The following ERMAP variants were observed in gnomAD, a reference collection of about 807,000 sequenced individuals.
ERMAP encodes the protein erythroblast membrane associated protein (Scianna blood group), also known as erythroid membrane-associated protein.
Under a neutral mutation model 49.5 loss-of-function variants are expected in ERMAP, and 34 were observed. The observed-to-expected ratio is 0.69, with a 90% CI of 0.52 to 0.91. The LOEUF (loss-of-function observed/expected upper bound fraction) is 0.91. Ranked by LOEUF, ERMAP falls within the 40% of genes least tolerant of loss-of-function variation. ERMAP has a pLI of 0.00. For missense variants in ERMAP, 541 were observed against 582.6 expected (o/e 0.93, Z 0.74); for synonymous variants, 214 against 232.2 (o/e 0.92, Z 0.71).
intron 1 of ERMAP, 64 bp downstream of exon 1, chr1:42,817,317 G>C (rs1654264386): frequency 8.8e-7 from 1 of 1,135,948 alleles, no homozygotes; most frequent in African/African-American, 1.7e-5. Flanking sequence ...CTCGTCCTGG[G>C]CGGGGCCGCG....
intron 1 of ERMAP, 56 bp downstream of exon 1, chr1:42,817,309 C>T (rs1654263647): frequency 8.5e-7 from 1 of 1,172,656 alleles, no homozygotes; most frequent in Non-Finnish European, 1.1e-6. Context: ...CACCGCCCCT[C>T]GTCCTGGGCG....
Position 42,844,048 on chromosome 1 carries a change from A to C in ERMAP, c.*816A>C. The C allele has an allele frequency of 2.5e-6, 1 of 398,640 alleles. No individual in the cohort carries two copies. The allele number at this position is 398,640 out of a possible 1,614,324, so 24.7% of individuals were successfully genotyped here. Reference sequence around the variant, plus strand: ...TTGAGTCTGTTGTGACTGTCTTATGAATCAATCTGTTGTGCCAACCCTTTC... The same window carrying C: ...TTGAGTCTGTTGTGACTGTCTTATGCATCAATCTGTTGTGCCAACCCTTTC... On this transcript the variant is annotated 3_prime_UTR_variant, in exon 12 of 12. Coordinates refer to ENST00000372517, the MANE Select transcript of ERMAP (RefSeq NM_001017922.2). This position sits in a 1 kb window ranked among gnomAD's most constrained non-coding sequence, Gnocchi z 4.0.
intron 6 of ERMAP, 23 bp downstream of exon 6, chr1:42,835,787 C>A: frequency 6.3e-7 from 1 of 1,598,544 alleles, no homozygotes; most frequent in Non-Finnish European, 8.5e-7. Context: ...GGCTGGGGGG[C>A]AGGGGAGATG....
chr1:42,838,886 C>A lies in ERMAP; in HGVS notation c.617-15C>A, dbSNP rs1654979047. On this transcript the variant is annotated splice_polypyrimidine_tract_variant and intron_variant, in intron 7 of 11. Transcript: ENST00000372517. ...GATCTGATCACTCACTCTTCTCTCT[C>A]TTTCTGGTTTTTAGGAAAACTCCAT... 10 of 1,614,046 alleles carry A rather than the reference C, an allele frequency of 6.2e-6. No homozygotes were observed. Among genetic ancestry groups the A allele is most frequent in the Non-Finnish European group, 7.6e-6 (9 of 1,179,988 alleles).
intron 6 of ERMAP, among the ~76,000 whole-genome samples, 164 bp downstream of exon 6, chr1:42,835,928 C>T (rs1654883414): frequency 6.6e-6 from 1 of 152,170 alleles, no homozygotes; most frequent in African/African-American, 2.4e-5. Context: ...TTTACTGCCT[C>T]TTACTTGTAA....
chr1:42,838,439 A>G (rs980755561), intron 7 of ERMAP, among the ~76,000 whole-genome samples: 1 of 152,206 alleles, frequency 6.6e-6, no homozygotes, highest in South Asian at 2.1e-4. Context: ...CATGTCCCCA[A>G]ATCTTCTGGG....
In ERMAP at chr1:42,844,133, T is replaced by G; in HGVS notation, c.*901T>G. ...AGTTTTAACCACCAACGTAGAAGCT[T>G]TTTTTTCCCCACAAGACCATTGTAC... On this transcript the variant is annotated 3_prime_UTR_variant, in exon 12 of 12. Transcript: ENST00000372517. The surrounding 1 kb of genome is among the most constrained non-coding windows in gnomAD (Gnocchi z 4.0). The G allele has an allele frequency of 2.5e-6, 1 of 398,568 alleles. No individual in the cohort carries two copies. The highest frequency in any genetic ancestry group is 4.4e-6 in the Non-Finnish European group (1 of 226,060). The allele number at this position is 398,568 out of a possible 1,614,324, so 24.7% of individuals were successfully genotyped here.
chr1:42,835,221 A>G, intron 5 of ERMAP, 67 bp downstream of exon 5: 1 of 788,506 alleles, frequency 1.3e-6, no homozygotes, highest in Admixed American at 1.7e-5. Flanking sequence ...GGAAAGGGCC[A>G]GACGGAAGTA....
At chr1:42,832,775 T>C (rs1049934711) in intron 4 of ERMAP, among the ~76,000 whole-genome samples, 7 of 152,366 alleles carry the variant, frequency 4.6e-5, no homozygotes, top group African/African-American at 1.7e-4. Context: ...AGCTAGAGAC[T>C]GGCTTATCCC....
At chr1:42,834,368 C>T (rs1654833401) in intron 4 of ERMAP, among the ~76,000 whole-genome samples, 1 of 152,180 alleles carries the variant, frequency 6.6e-6, no homozygotes, top group Non-Finnish European at 1.5e-5. Context: ...CAGGCAGGTG[C>T]TCCTGGGAAG....
intron 1 of ERMAP, 108 bp downstream of exon 1, chr1:42,817,361 G>A (rs1325034582): frequency 1.4e-6 from 1 of 706,068 alleles, no homozygotes; most frequent in African/African-American, 2.0e-5. Flanking sequence ...CGAGCGCCAG[G>A]AGGCTTCCGC....
chr1:42,843,039 G>C lies in ERMAP; in HGVS notation c.1235G>C (p.Cys412Ser). ...GGKNTAPLVI[C>S]SELHKSEESI... ...AAAAACACAGCACCTCTAGTCATTT[G>C]TTCAGAACTACACAAATCAGAGGAA... is the stretch of plus-strand genomic sequence containing the variant. Residue 412 changes from cysteine to serine, a missense_variant, in exon 12 of 12, where the codon TGT becomes TCT. Coordinates refer to ENST00000372517, the MANE Select transcript of ERMAP (RefSeq NM_001017922.2). 1 of 1,614,116 alleles carries C rather than the reference G, an allele frequency of 6.2e-7. No individual in the cohort carries two copies. The highest frequency in any genetic ancestry group is 8.5e-7 in the Non-Finnish European group (1 of 1,180,026).
At chr1:42,841,006 CTAAA>C (rs1333446311) in intron 11 of ERMAP, among the ~76,000 whole-genome samples, 2 of 152,160 alleles carry the variant, frequency 1.3e-5, no homozygotes, top group African/African-American at 4.8e-5. Flanking sequence ...CAATGTATTC[CTAAA>C]TAGTTTGCAT....
At chr1:42,831,287 G>A (rs1295963589) in intron 4 of ERMAP, among the ~76,000 whole-genome samples, 172 bp downstream of exon 4, 2 of 152,250 alleles carry the variant, frequency 1.3e-5, no homozygotes, top group African/African-American at 4.8e-5. Flanking sequence ...CTGAGGCTGT[G>A]AAGCTGGCCT....
At chr1:42,836,646 G>A (rs576758207) in intron 6 of ERMAP, among the ~76,000 whole-genome samples, 14 of 152,156 alleles carry the variant, frequency 9.2e-5, no homozygotes, top group East Asian at 5.8e-4. Context: ...ACCTGAGGTC[G>A]GGAGTTCAAG....
rs150596828 is a variant in ERMAP at position 42,840,016 on chromosome 1, T to C, written c.638-17T>C. 204 of 1,614,182 alleles carry C rather than the reference T, an allele frequency of 1.3e-4. No homozygotes were observed. The African/African-American group carries it at 2.2e-3, about 18-fold the overall frequency. On this transcript the variant is annotated splice_polypyrimidine_tract_variant and intron_variant, in intron 8 of 11. Transcript: ENST00000372517. Reference sequence around the variant, plus strand: ...GAGGCCCTCCTTCTGATTTGCCAAATTGTTTTCATTCTTTAGAGAAACTCC... The same window carrying C: ...GAGGCCCTCCTTCTGATTTGCCAAACTGTTTTCATTCTTTAGAGAAACTCC...
chr1:42,832,100 G>C (rs1654757962), intron 4 of ERMAP, among the ~76,000 whole-genome samples: 1 of 151,986 alleles, frequency 6.6e-6, no homozygotes. Flanking sequence ...CCATGAAGTG[G>C]GGATGAATCA....
intron 2 of ERMAP, among the ~76,000 whole-genome samples, chr1:42,826,973 C>T (rs1008488982): frequency 6.6e-6 from 1 of 151,924 alleles, no homozygotes; most frequent in African/African-American, 2.4e-5. Context: ...TTTATAATAG[C>T]GATGTATTGG....
At chr1:42,841,352 G>T (rs931821935) in intron 11 of ERMAP, among the ~76,000 whole-genome samples, 5 of 152,164 alleles carry the variant, frequency 3.3e-5, no homozygotes, top group African/African-American at 9.7e-5. Flanking sequence ...TTTTAGGGAA[G>T]AATCCTTCTC....
Sources: allele counts gnomAD v4.1 joint callset (sites outside exome capture counted in the v4.1 genomes callset), GRCh38; gene constraint gnomAD v4.1.1; non-coding constraint Gnocchi (gnomAD v3.1); transcripts MANE v1.5; gene names NCBI Gene and HGNC (gene_info 2026-07-23, HGNC 2026-07-21).